The following PRKN variants were observed in gnomAD, a reference collection of about 807,000 sequenced individuals.
The protein encoded by PRKN is E3 ubiquitin-protein ligase parkin.
PRKN carries 56 observed loss-of-function variants against 59.5 expected under a neutral mutation model. The observed-to-expected ratio is 0.94, with a 90% CI of 0.76 to 1.18. The LOEUF is 1.18. PRKN is among the 50% of genes most tolerant of loss of function. PRKN has a pLI of 0.00. For missense variants in PRKN, 657 were observed against 596.4 expected (o/e 1.10, Z -1.06); for synonymous variants, 250 against 222.1 (o/e 1.13, Z -1.12).
chr6:162,036,793 T>A (rs965735298), intron 5 of PRKN, among the ~76,000 whole-genome samples: 2 of 151,824 alleles, frequency 1.3e-5, no homozygotes, highest in Admixed American at 1.3e-4. Flanking sequence ...ATATATGAAA[T>A]GGTCATAAGA....
chr6:161,999,979 C>T (rs929175069), intron 5 of PRKN, among the ~76,000 whole-genome samples: 4 of 152,022 alleles, frequency 2.6e-5, no homozygotes, highest in Admixed American at 2.6e-4. Context: ...TGCGTGAGTT[C>T]TTTAGAACAA....
At position 161,488,310 on chromosome 6, in the gene PRKN, C is replaced by T. The variant is rs1272261739; in HGVS notation, c.1083+60544G>A. 2.0e-5 allele frequency among the ~76,000 whole-genome samples: 3 copies of T among 152,072 alleles called. No individual in the cohort carries two copies. Among genetic ancestry groups the T allele is most frequent in the Admixed American group, 1.3e-4 (2 of 15,264 alleles). On this transcript the variant is annotated intron_variant, in intron 9 of 11. Transcript: ENST00000366898. The surrounding 1 kb of genome is among the most constrained non-coding windows in gnomAD (Gnocchi z 4.5). ...GCATTGTCAACAAGGGGAAAGTGAT[C>T]GGGCCGAGGACAGAAGGCCAGGTCA... is the stretch of plus-strand genomic sequence containing the variant.
chr6:161,855,977 G>A (rs1480948494), intron 6 of PRKN, among the ~76,000 whole-genome samples: 1 of 152,202 alleles, frequency 6.6e-6, no homozygotes, highest in Non-Finnish European at 1.5e-5. Context: ...CAGACTAGAG[G>A]AGAAACTTTT....
rs1198500629 is a variant in PRKN, at chr6:161,372,485, T to C, written c.1168-12280A>G. On this transcript the variant is annotated intron_variant, in intron 10 of 11. Coordinates refer to ENST00000366898, the MANE Select transcript of PRKN (RefSeq NM_004562.3). This position sits in a 1 kb window ranked among gnomAD's most constrained non-coding sequence, Gnocchi z 4.2. Reference sequence around the variant, plus strand: ...CAGAAATATTTTCATTCAAGAAACATGTGTTGGGTGTCTAAGATGTGCCAG... The same window carrying C: ...CAGAAATATTTTCATTCAAGAAACACGTGTTGGGTGTCTAAGATGTGCCAG... 2.0e-5 allele frequency among the ~76,000 whole-genome samples: 3 copies of C among 152,284 alleles called. No homozygotes were observed. Among genetic ancestry groups the C allele is most frequent in the East Asian group, 3.9e-4 (2 of 5,182 alleles).
intron 9 of PRKN, among the ~76,000 whole-genome samples, chr6:161,479,188 C>T (rs546561528): frequency 5.9e-5 from 9 of 152,060 alleles, no homozygotes; most frequent in African/African-American, 1.7e-4. Flanking sequence ...GTGATTACTT[C>T]GCACAATGAT....
At chr6:161,717,794 G>A (rs1161341126) in intron 7 of PRKN, among the ~76,000 whole-genome samples, 6 of 152,266 alleles carry the variant, frequency 3.9e-5, no homozygotes, top group South Asian at 2.1e-4. Flanking sequence ...TGTCACGCCC[G>A]CGAGGGGTGG....
At chr6:162,305,701 T>C (rs372378382) in intron 2 of PRKN, among the ~76,000 whole-genome samples, 2 of 152,310 alleles carry the variant, frequency 1.3e-5, no homozygotes, top group South Asian at 4.1e-4. Context: ...CTAGTGTCTC[T>C]GTGTCACTAG....
rs1162925858 is a variant in PRKN at position 161,873,899 on chromosome 6, TATATATAAAATATATAA to T, written c.735-88008_735-87992del. 1.7e-3 allele frequency among the ~76,000 whole-genome samples: 199 copies of T among 114,732 alleles called. 5 individuals carry two copies. Among genetic ancestry groups the T allele is most frequent in the Non-Finnish European group, 2.3e-3 (141 of 60,854 alleles). The allele number at this position is 114,732 out of a possible 152,430, so 75.3% of individuals were successfully genotyped here. A position where few individuals can be genotyped will look rare whatever the true frequency, so the allele number is the denominator to read the frequency against. On this transcript the variant is annotated intron_variant, in intron 6 of 11. Transcript: ENST00000366898. The stretch of plus-strand genomic sequence containing the variant: ...TTATATATAAATAAAAATTATATAC[TATATATAAAATATATAA>T]ATATATAAAATATATAATATATATA...
chr6:162,512,381 A>G (rs1777666094), intron 1 of PRKN, among the ~76,000 whole-genome samples: 1 of 152,230 alleles, frequency 6.6e-6, no homozygotes, highest in Non-Finnish European at 1.5e-5. Context: ...TTGCACTGCT[A>G]ACTGCATATT....
rs527886396 is a variant in PRKN, at chr6:161,814,629, A to G, written c.735-28721T>C. On this transcript the variant is annotated intron_variant, in intron 6 of 11. Transcript: ENST00000366898. ...GCAATTCTCCTGCCTCAGCCTCCCAAGTAGCTGAGATTACAGGCATGTGCC... is the reference window on the plus strand; with the variant it reads ...GCAATTCTCCTGCCTCAGCCTCCCAGGTAGCTGAGATTACAGGCATGTGCC... 3.3e-5 allele frequency among the ~76,000 whole-genome samples: 5 copies of G among 152,164 alleles called. No individual in the cohort carries two copies. The South Asian group carries it at 1.0e-3, about 32-fold the overall frequency.
intron 1 of PRKN, among the ~76,000 whole-genome samples, chr6:162,501,645 C>T (rs778709593): frequency 3.9e-5 from 6 of 152,014 alleles, no homozygotes; most frequent in South Asian, 4.2e-4. Flanking sequence ...TGTGAGCCAC[C>T]GCGCCCGGCC....
chr6:162,263,674 C>T (rs1277651971), intron 2 of PRKN, among the ~76,000 whole-genome samples: 11 of 152,184 alleles, frequency 7.2e-5, no homozygotes, highest in Non-Finnish European at 1.2e-4. Context: ...CTACATAGGG[C>T]CGGCCGCGGT....
At chr6:161,531,411 C>T (rs950155803) in intron 9 of PRKN, among the ~76,000 whole-genome samples, 1 of 151,560 alleles carries the variant, frequency 6.6e-6, no homozygotes, top group Non-Finnish European at 1.5e-5. Flanking sequence ...ATTGTGCGAA[C>T]GCCACCCCCT....
intron 4 of PRKN, among the ~76,000 whole-genome samples, chr6:162,064,447 A>G (rs1037722645): frequency 2.0e-5 from 3 of 152,150 alleles, no homozygotes; most frequent in African/African-American, 7.2e-5. Flanking sequence ...TCCTTCAGTG[A>G]TTTCCTCTTA....
rs753794795 is a variant in PRKN, at chr6:161,376,116, C to T, written c.1167+10678G>A. 2.0e-5 allele frequency among the ~76,000 whole-genome samples: 3 copies of T among 152,132 alleles called. No homozygotes were observed. The highest frequency in any genetic ancestry group is 4.4e-5 in the Non-Finnish European group (3 of 68,030). On this transcript the variant is annotated intron_variant, in intron 10 of 11. Coordinates refer to ENST00000366898, the MANE Select transcript of PRKN (RefSeq NM_004562.3). This position sits in a 1 kb window ranked among gnomAD's most constrained non-coding sequence, Gnocchi z 7.3. The stretch of plus-strand genomic sequence containing the variant: ...GGGCAAAATAGATCAAAAAAGATCT[C>T]AGCTCCCTGGAGCCACTGCTGCTTC...
Position 161,456,317 on chromosome 6 carries a change from C to T in PRKN, c.1084-69440G>A, listed in dbSNP as rs950972077. Among the ~76,000 whole-genome samples the T allele has an allele frequency of 6.6e-6, 1 of 152,142 alleles. No individual in the cohort carries two copies. The highest frequency in any genetic ancestry group is 2.4e-5 in the African/African-American group (1 of 41,414). On this transcript the variant is annotated intron_variant, in intron 9 of 11. Transcript: ENST00000366898. The surrounding 1 kb of genome is among the most constrained non-coding windows in gnomAD (Gnocchi z 4.8). ...AGTCTTCCGGCTTTCAAATTTCTCT[C>T]GCATTGAAAGCTTCCTGCCCTGGAA... is the stretch of plus-strand genomic sequence containing the variant.
intron 1 of PRKN, among the ~76,000 whole-genome samples, chr6:162,654,298 TATC>T (rs1275776927): frequency 6.6e-6 from 1 of 152,204 alleles, no homozygotes; most frequent in Non-Finnish European, 1.5e-5. Context: ...GATTAAGAAA[TATC>T]ATCCTATGAG....
chr6:161,683,475 G>A (rs1000857754), intron 7 of PRKN, among the ~76,000 whole-genome samples: 2 of 152,144 alleles, frequency 1.3e-5, no homozygotes, highest in African/African-American at 4.8e-5. Flanking sequence ...ACGAACAAAG[G>A]GGAAGACCAT....
intron 3 of PRKN, among the ~76,000 whole-genome samples, chr6:162,203,568 T>C (rs1784821469): frequency 6.6e-6 from 1 of 152,172 alleles, no homozygotes; most frequent in African/African-American, 2.4e-5. Flanking sequence ...TGGACAGGCA[T>C]GAAAACAAAT....
Sources: allele counts gnomAD v4.1 joint callset (sites outside exome capture counted in the v4.1 genomes callset), GRCh38; gene constraint gnomAD v4.1.1; non-coding constraint Gnocchi (gnomAD v3.1); transcripts MANE v1.5; gene names NCBI Gene and HGNC (gene_info 2026-07-23, HGNC 2026-07-21).